CALD1: variants seen among roughly 807,000 people sequenced by gnomAD.
CALD1 encodes the protein caldesmon 1.
Under a neutral mutation model 99.9 loss-of-function variants are expected in CALD1, and 33 were observed. That is an observed-to-expected ratio of 0.33 (90% CI 0.25 to 0.44). The LOEUF (loss-of-function observed/expected upper bound fraction) is 0.44, where lower values mean the gene tolerates loss of function less well. CALD1 is among the 20% of genes least tolerant of loss of function. The probability of loss-of-function intolerance (pLI) is 1.00; values close to 1 mark genes in which losing one functional copy is unlikely to be tolerated. For missense variants in CALD1, 861 were observed against 962.1 expected, an observed-to-expected ratio of 0.89 and a Z score of 1.39; for synonymous variants, 310 against 325.0, an observed-to-expected ratio of 0.95 and a Z score of 0.50.
chr7:134,863,114 T>C (rs919483169), intron 2 of CALD1, among the ~76,000 whole-genome samples: 3 of 152,280 alleles, frequency 2.0e-5, no homozygotes, highest in African/African-American at 4.8e-5. Flanking sequence ...GGGACCACCC[T>C]AATCACCTCA....
At position 134,964,707 on chromosome 7, in the gene CALD1, T is replaced by C. The variant is rs1808539018; in HGVS notation, c.2296-599T>C. On this transcript the variant is annotated intron_variant, in intron 13 of 14. Coordinates refer to ENST00000361675, the MANE Select transcript of CALD1 (RefSeq NM_033138.4). ...TTGAGTTCATCTGTGAGGCAGGAAATGCTTATCAAACCCCAAATTAATCAT... is the reference window on the plus strand; with the variant it reads ...TTGAGTTCATCTGTGAGGCAGGAAACGCTTATCAAACCCCAAATTAATCAT... Among the ~76,000 whole-genome samples the C allele has an allele frequency of 2.0e-5, 3 of 152,268 alleles. No homozygotes were observed. In the South Asian group the frequency reaches 6.2e-4, roughly 32 times the overall value.
At chr7:134,876,306 C>G (rs1801348200) in intron 3 of CALD1, among the ~76,000 whole-genome samples, 1 of 152,154 alleles carries the variant, frequency 6.6e-6, no homozygotes, top group Non-Finnish European at 1.5e-5. Flanking sequence ...CCCTTAAGAT[C>G]ACCCAGTTAA....
At chr7:134,929,646 G>GTGTGTGTGTATATA (rs1488854871) in intron 4 of CALD1, among the ~76,000 whole-genome samples, 9 of 7,912 alleles carry the variant, frequency 1.1e-3, no homozygotes, top group South Asian at 5.7e-3. Context: ...GTGTGTGTGT[G>GTGTGTGTGTATATA]TATATATATA....
intron 3 of CALD1, among the ~76,000 whole-genome samples, chr7:134,887,661 T>C (rs973387394): frequency 5.3e-5 from 8 of 152,052 alleles, no homozygotes; most frequent in East Asian, 1.9e-4. Context: ...TGTGTGTGCA[T>C]GTGTGCGTAT....
At chr7:134,914,582 C>A (rs1727090619) in intron 3 of CALD1, among the ~76,000 whole-genome samples, 1 of 152,216 alleles carries the variant, frequency 6.6e-6, no homozygotes, top group Non-Finnish European at 1.5e-5. Context: ...AGCCATCTTT[C>A]TGTATGTACC....
At chr7:134,899,557 G>A (rs1586244435) in intron 3 of CALD1, among the ~76,000 whole-genome samples, 1 of 152,174 alleles carries the variant, frequency 6.6e-6, no homozygotes, top group Non-Finnish European at 1.5e-5. Flanking sequence ...ACCCACCCTA[G>A]AGCTGTGCCT....
upstream of CALD1, among the ~76,000 whole-genome samples, chr7:134,739,910 C>T (rs1168697312): frequency 8.6e-6 from 1 of 116,162 alleles, no homozygotes; most frequent in African/African-American, 3.2e-5. Flanking sequence ...ATTCTTAAGT[C>T]ACCTATTAAA....
chr7:134,840,236 G>T (rs1004535591), intron 1 of CALD1, among the ~76,000 whole-genome samples: 3 of 152,178 alleles, frequency 2.0e-5, no homozygotes, highest in African/African-American at 7.2e-5. Context: ...TAGAGGTCAA[G>T]TTTTGATTTT....
At chr7:134,713,332 T>C in the CALD1 span, among the ~76,000 whole-genome samples, 2 of 152,218 alleles carry the variant, frequency 1.3e-5, no homozygotes, top group Admixed American at 6.5e-5. Context: ...AAAATAACCA[T>C]AGTAAATAAT....
Position 134,933,591 on chromosome 7 carries a change from A to C in CALD1, c.822A>C (p.Ala274=). The change falls in exon 5 of 15, where the codon GCA becomes GCC. Residue 274 remains alanine, a synonymous_variant. Transcript: ENST00000361675. ...AGGCAGAGAGGGCAAGGTTGGAAGC[A>C]GAAGAAAGAGAAAGAATTAAAGCCG... is the stretch of plus-strand genomic sequence containing the variant. ...RAEAERARLE[A]EERERIKAEQ... 6.2e-7 allele frequency: 1 copy of C among 1,613,196 alleles called. No homozygotes were observed. Among genetic ancestry groups the C allele is most frequent in the Non-Finnish European group, 8.5e-7 (1 of 1,179,600 alleles).
upstream of CALD1, among the ~76,000 whole-genome samples, chr7:134,778,579 CT>C (rs1020770140): frequency 6.6e-6 from 1 of 152,162 alleles, no homozygotes; most frequent in Non-Finnish European, 1.5e-5. Context: ...TGAGTGAATT[CT>C]GTATTGAAAA....
At chr7:134,960,208 T>A in intron 12 of CALD1, 97 bp downstream of exon 12, 1 of 1,364,262 alleles carries the variant, frequency 7.3e-7, no homozygotes, top group Non-Finnish European at 1.0e-6. Flanking sequence ...ATAAAAGCAG[T>A]GAAGAAGGTG....
chr7:134,773,835 G>A (rs1410132926), intron 1 of CALD1, among the ~76,000 whole-genome samples: 1 of 144,188 alleles, frequency 6.9e-6, no homozygotes, highest in Non-Finnish European at 1.5e-5. Context: ...TGTTTCTGTT[G>A]TTTGTTATAA....
chr7:134,857,972 C>T (rs1056121854), intron 2 of CALD1, among the ~76,000 whole-genome samples: 1 of 152,098 alleles, frequency 6.6e-6, no homozygotes, highest in Non-Finnish European at 1.5e-5. Flanking sequence ...TCTAAGCTAT[C>T]CTACTTTATA....
chr7:134,832,098 G>A (rs1056884543), intron 1 of CALD1, among the ~76,000 whole-genome samples: 3 of 152,228 alleles, frequency 2.0e-5, no homozygotes, highest in African/African-American at 7.2e-5. Context: ...CGCACGCGCA[G>A]TGTATTTAGG....
chr7:134,934,398 G>C, intron 5 of CALD1, among the ~76,000 whole-genome samples: 1 of 152,170 alleles, frequency 6.6e-6, no homozygotes, highest in East Asian at 1.9e-4. Flanking sequence ...GTGGTGGTGT[G>C]TTGGCTTCTG....
intron 7 of CALD1, among the ~76,000 whole-genome samples, chr7:134,946,660 G>T (rs891884242): frequency 6.6e-6 from 1 of 151,518 alleles, no homozygotes; most frequent in Admixed American, 6.6e-5. Context: ...CAGGTAACAA[G>T]ATCTCCTTCC....
chr7:134,717,783 A>AT, the CALD1 span, among the ~76,000 whole-genome samples: 119 of 152,328 alleles, frequency 7.8e-4, 1 homozygote, highest in African/African-American at 2.6e-3. Context: ...AAGCCCCAGG[A>AT]TTTTTTTGTG....
At chr7:134,751,329 C>T (rs1369837378) in intron 1 of CALD1, among the ~76,000 whole-genome samples, 2 of 152,166 alleles carry the variant, frequency 1.3e-5, no homozygotes, top group African/African-American at 2.4e-5. Flanking sequence ...GCATTATTTC[C>T]ATCTCCTCTC....
Sources: allele counts gnomAD v4.1 joint callset (sites outside exome capture counted in the v4.1 genomes callset), GRCh38; gene constraint gnomAD v4.1.1; transcripts MANE v1.5; gene names NCBI Gene and HGNC (gene_info 2026-07-23, HGNC 2026-07-21).